The following AMMECR1 variants were observed in gnomAD, a reference collection of about 807,000 sequenced individuals.
AMMECR1 encodes AMMECR nuclear protein 1.
In AMMECR1, 3 loss-of-function variants were observed where a neutral mutation model predicts 22.5. The observed-to-expected ratio is 0.13, with a 90% CI of 0.06 to 0.35. The LOEUF (loss-of-function observed/expected upper bound fraction) is 0.35. AMMECR1 is among the 10% of genes least tolerant of loss of function. The pLI is 1.00. For synonymous variants in AMMECR1, 130 were observed against 116.7 expected, an observed-to-expected ratio of 1.11 and a Z score of -0.74; for missense variants, 235 against 278.7, an observed-to-expected ratio of 0.84 and a Z score of 1.12.
intron 1 of AMMECR1, among the ~76,000 whole-genome samples, chrX:110,280,451 G>GA (rs752770264): frequency 2.7e-5 from 3 of 111,144 alleles, no homozygotes; most frequent in East Asian, 5.6e-4. Flanking sequence ...AAATTCACTA[G>GA]AAAAAAATGC....
intron 2 of AMMECR1, among the ~76,000 whole-genome samples, chrX:110,363,540 C>T (rs1176334710): frequency 9.0e-6 from 1 of 111,700 alleles, no homozygotes; most frequent in Non-Finnish European, 1.9e-5. Context: ...CTGGGAAAGT[C>T]CATATAACTA....
intron 2 of AMMECR1, among the ~76,000 whole-genome samples, chrX:110,410,815 C>T (rs1441685779): frequency 8.9e-6 from 1 of 111,874 alleles, no homozygotes; most frequent in Non-Finnish European, 1.9e-5. Context: ...GGGACAAGTC[C>T]CAGCAGCCTC....
At position 110,414,738 on chromosome X, in the gene AMMECR1, G is replaced by A. The variant is rs1024638605; in HGVS notation, c.-148+11920C>T. 2.7e-5 allele frequency among the ~76,000 whole-genome samples: 3 copies of A among 112,186 alleles called. No individual in the cohort carries two copies. In the East Asian group the frequency reaches 8.4e-4, roughly 31 times the overall value. ...CAATCTACCTTCCATTCTGTTGCTG[G>A]GACAATCTTTCTAAAATGCACATCT... On this transcript the variant is annotated intron_variant, in intron 2 of 7. Coordinates refer to the AMMECR1 transcript ENST00000372057.
intron 2 of AMMECR1, among the ~76,000 whole-genome samples, chrX:110,235,956 T>A: frequency 9.4e-6 from 1 of 106,285 alleles, no homozygotes; most frequent in African/African-American, 3.5e-5. Flanking sequence ...GAACTTAAAG[T>A]ATAATAAAAA....
At chrX:110,251,911 A>C (rs2067688209) in intron 2 of AMMECR1, among the ~76,000 whole-genome samples, 1 of 112,001 alleles carries the variant, frequency 8.9e-6, no homozygotes, top group Non-Finnish European at 1.9e-5. Context: ...TCCAAGAGAA[A>C]AAGAAAAACT....
In AMMECR1 at chrX:110,220,775, TG is replaced by T. The variant is rs748141986; in HGVS notation, c.585-4144del. Among the ~76,000 whole-genome samples, 591 of 111,746 alleles carry T rather than the reference TG, an allele frequency of 5.3e-3. 3 individuals carry two copies. Among genetic ancestry groups the T allele is most frequent in the African/African-American group, 0.019 (573 of 30,811 alleles). On this transcript the variant is annotated intron_variant, in intron 2 of 5. Coordinates refer to ENST00000262844, the MANE Select transcript of AMMECR1 (RefSeq NM_015365.3). ...CTAATTGAGAAGGAACGTTAACATT[TG>T]TCAAAGTTAATATATAATGTTATAT...
At chrX:110,325,232 T>A (rs1277759859) in intron 2 of AMMECR1, among the ~76,000 whole-genome samples, 1 of 112,214 alleles carries the variant, frequency 8.9e-6, no homozygotes, top group Non-Finnish European at 1.9e-5. Context: ...TAGCTTACGA[T>A]GTACAATAAT....
intron 2 of AMMECR1, among the ~76,000 whole-genome samples, chrX:110,241,719 G>A (rs1025229703): frequency 9.2e-6 from 1 of 109,223 alleles, no homozygotes; most frequent in African/African-American, 3.3e-5. Flanking sequence ...AGATACCTTG[G>A]GGGTACATCT....
At chrX:110,316,131 C>A (rs1329193373) in intron 1 of AMMECR1, among the ~76,000 whole-genome samples, 1 of 112,067 alleles carries the variant, frequency 8.9e-6, no homozygotes, top group Non-Finnish European at 1.9e-5. Context: ...AGAAAATGCA[C>A]AGACCACAGA....
intron 3 of AMMECR1, 79 bp from the exon 4 acceptor site, chrX:110,202,615 A>C (rs943793823): frequency 1.5e-4 from 92 of 626,807 alleles, no homozygotes; most frequent in Non-Finnish European, 2.1e-4. Flanking sequence ...AACTTTCAAG[A>C]GAATGCAGTT....
At chrX:110,324,077 A>C (rs183313603) in intron 2 of AMMECR1, among the ~76,000 whole-genome samples, 1 of 108,242 alleles carries the variant, frequency 9.2e-6, no homozygotes, top group Admixed American at 9.8e-5. Context: ...GCTCACTGCA[A>C]GCTCTGCCTC....
intron 2 of AMMECR1, among the ~76,000 whole-genome samples, chrX:110,248,882 T>G (rs2067672670): frequency 8.9e-6 from 1 of 112,210 alleles, no homozygotes; most frequent in Non-Finnish European, 1.9e-5. Context: ...TAGTATTCCA[T>G]GTAAATGTAC....
chrX:110,206,040 C>T (rs1211735360), intron 3 of AMMECR1, among the ~76,000 whole-genome samples: 3 of 111,805 alleles, frequency 2.7e-5, no homozygotes, highest in Non-Finnish European at 3.8e-5. Context: ...ATGTTAAGAC[C>T]CTAAAATATA....
At chrX:110,226,894 C>T (rs1413030954) in intron 2 of AMMECR1, among the ~76,000 whole-genome samples, 1 of 111,471 alleles carries the variant, frequency 9.0e-6, no homozygotes, top group Non-Finnish European at 1.9e-5. Flanking sequence ...TTTTTGTTCT[C>T]TTCTTTCTCC....
At chrX:110,319,118 T>C (rs2068069066), upstream of AMMECR1, among the ~76,000 whole-genome samples, 1 of 112,549 alleles carries the variant, frequency 8.9e-6, no homozygotes, top group Non-Finnish European at 1.9e-5. Flanking sequence ...ATTTTTAAAA[T>C]TTCTCAATTA....
At chrX:110,230,694 A>G (rs1438085511) in intron 2 of AMMECR1, among the ~76,000 whole-genome samples, 1 of 112,368 alleles carries the variant, frequency 8.9e-6, no homozygotes, top group African/African-American at 3.2e-5. Flanking sequence ...ACGAGTTGAC[A>G]GAAGTAGGCT....
intron 2 of AMMECR1, among the ~76,000 whole-genome samples, chrX:110,250,873 C>G (rs886366203): frequency 1.8e-5 from 2 of 111,889 alleles, no homozygotes; most frequent in African/African-American, 6.5e-5. Flanking sequence ...GGAATCAATT[C>G]ACATAGTGCA....
intron 3 of AMMECR1, among the ~76,000 whole-genome samples, chrX:110,208,254 T>C (rs867985929): frequency 5.3e-5 from 6 of 112,454 alleles, no homozygotes; most frequent in African/African-American, 1.6e-4. Flanking sequence ...AAAAGGATAA[T>C]TGATTACAAA....
intron 1 of AMMECR1, among the ~76,000 whole-genome samples, chrX:110,273,715 C>T (rs1246328279): frequency 8.9e-6 from 1 of 111,775 alleles, no homozygotes; most frequent in East Asian, 2.8e-4. Flanking sequence ...ATTTTCCTAG[C>T]ACCATTTATT....
Sources: allele counts gnomAD v4.1 joint callset (sites outside exome capture counted in the v4.1 genomes callset), GRCh38; gene constraint gnomAD v4.1.1; transcripts MANE v1.5; gene names NCBI Gene and HGNC (gene_info 2026-07-23, HGNC 2026-07-21).